Variants in DLGAP4 observed in about 807,000 individuals in gnomAD.
DLGAP4 encodes the protein DLG associated protein 4.
A neutral mutation model predicts 86.9 loss-of-function variants in DLGAP4; 18 were observed. The ratio of observed to expected loss-of-function variants is 0.21; its 90% CI spans 0.14 to 0.31. The LOEUF (loss-of-function observed/expected upper bound fraction) is 0.31. Among genes scored for constraint, DLGAP4 ranks in the 10% least tolerant of loss-of-function variants. The pLI is 1.00. For missense variants in DLGAP4, 1,085 were observed against 1,362.6 expected (o/e 0.80, Z 3.21); for synonymous variants, 548 against 574.3 (o/e 0.95, Z 0.65).
chr20:36,409,781 C>T (rs563416487), intron 2 of DLGAP4, among the ~76,000 whole-genome samples: 1 of 151,588 alleles, frequency 6.6e-6, no homozygotes, highest in Non-Finnish European at 1.5e-5. Flanking sequence ...AGCCTGTAAT[C>T]CCAGCACTTT....
chr20:36,413,413 CTTTTTTTTTTTT>C (rs71184094), intron 2 of DLGAP4, among the ~76,000 whole-genome samples: 1 of 71,010 alleles, frequency 1.4e-5, no homozygotes, highest in Non-Finnish European at 2.5e-5. Context: ...TTGTTCTGGA[CTTTTTTTTTTTT>C]TTTTTTTTTT....
intron 2 of DLGAP4, among the ~76,000 whole-genome samples, chr20:36,410,639 G>T (rs925157913): frequency 3.9e-5 from 6 of 152,140 alleles, no homozygotes; most frequent in African/African-American, 1.4e-4. Context: ...GCAAGAGAGG[G>T]AGTGTGGGGG....
At chr20:36,409,604 A>T (rs1189698251) in intron 2 of DLGAP4, among the ~76,000 whole-genome samples, 7 of 151,506 alleles carry the variant, frequency 4.6e-5, no homozygotes, top group Admixed American at 4.6e-4. Flanking sequence ...AGTCCCAGCT[A>T]CTAGGGAGGC....
chr20:36,454,911 C>G (rs536765804), intron 7 of DLGAP4, among the ~76,000 whole-genome samples: 132 of 152,288 alleles, frequency 8.7e-4, no homozygotes, highest in East Asian at 2.7e-3. Flanking sequence ...TCTCCCTCCC[C>G]CTGTCTGACC....
At chr20:36,466,473 TTGAACACC>T (rs2034357587) in intron 7 of DLGAP4, among the ~76,000 whole-genome samples, 3 of 152,122 alleles carry the variant, frequency 2.0e-5, no homozygotes, top group African/African-American at 7.2e-5. Flanking sequence ...GGCTGTGGAA[TTGAACACC>T]TGAGCAGGAA....
chr20:36,409,034 C>CTTTTTTTT (rs35210861), intron 2 of DLGAP4, among the ~76,000 whole-genome samples: 2 of 111,180 alleles, frequency 1.8e-5, no homozygotes, highest in Non-Finnish European at 1.8e-5. Context: ...AAATAAAAGG[C>CTTTTTTTT]TTTTTTTTTT....
At chr20:36,499,185 T>G in intron 8 of DLGAP4, 1 of 1,499,682 alleles carries the variant, frequency 6.7e-7, no homozygotes, top group South Asian at 1.2e-5. Flanking sequence ...TGTGTGTGTG[T>G]GTGTTTTCTT....
intron 7 of DLGAP4, chr20:36,461,734 C>A (rs1466471019): frequency 1.1e-6 from 1 of 883,910 alleles, no homozygotes; most frequent in Non-Finnish European, 1.3e-6. Flanking sequence ...CCCGTCTGTC[C>A]GTCCGTCCGT....
rs1192793921 is a variant in DLGAP4, at chr20:36,496,760, C to T, written c.1704C>T (p.Thr568=). The T allele has an allele frequency of 6.2e-6, 10 of 1,613,268 alleles. No individual in the cohort carries two copies. The Admixed American group carries it at 1.5e-4, about 24-fold the overall frequency. Residue 568 remains threonine (T), a synonymous_variant, in exon 8 of 13, where the codon ACC becomes ACT. Transcript: ENST00000339266. ...KKTPPPVPPR[T]TSKPFISVTV... is the part of the protein sequence containing the mutation. ...CCCCGCCACCGGTCCCTCCACGCAC[C>T]ACTTCAAAGCCGTTCATCTCAGTCA...
intron 1 of DLGAP4, among the ~76,000 whole-genome samples, chr20:36,321,679 G>C (rs1555890566): frequency 6.6e-6 from 1 of 152,224 alleles, no homozygotes; most frequent in Non-Finnish European, 1.5e-5. Flanking sequence ...CACCCACTGG[G>C]GCTGTAGGCA....
intron 1 of DLGAP4, among the ~76,000 whole-genome samples, chr20:36,322,332 G>A (rs797033168): frequency 8.9e-4 from 136 of 152,312 alleles, no homozygotes; most frequent in African/African-American, 3.2e-3. Flanking sequence ...AGAGGATGGC[G>A]GGGGCCAGAC....
intron 1 of DLGAP4, among the ~76,000 whole-genome samples, chr20:36,327,362 T>C (rs561858726): frequency 1.6e-4 from 25 of 152,250 alleles, no homozygotes; most frequent in African/African-American, 5.8e-4. Context: ...CATAAGGTTT[T>C]CTTCATATTT....
At chr20:36,511,532 T>G (rs2036692836) in intron 10 of DLGAP4, among the ~76,000 whole-genome samples, 2 of 152,122 alleles carry the variant, frequency 1.3e-5, no homozygotes, top group African/African-American at 4.8e-5. Flanking sequence ...GATTTATTCC[T>G]TAGTACTTTC....
At chr20:36,436,070 T>C (rs2033266056) in intron 3 of DLGAP4, 39 bp from the exon 4 acceptor site, 1 of 1,511,376 alleles carries the variant, frequency 6.6e-7, no homozygotes, top group Non-Finnish European at 8.8e-7. Flanking sequence ...CTGCTCATTT[T>C]CTGCGGTGGC....
intron 2 of DLGAP4, among the ~76,000 whole-genome samples, chr20:36,396,260 C>A (rs1474726728): frequency 6.6e-6 from 1 of 151,514 alleles, no homozygotes; most frequent in Non-Finnish European, 1.5e-5. Flanking sequence ...GAGACCTCTT[C>A]CAGATCTGGT....
intron 4 of DLGAP4, 57 bp from the exon 5 acceptor site, chr20:36,439,697 A>G (rs886360370): frequency 6.6e-7 from 1 of 1,515,706 alleles, no homozygotes; most frequent in East Asian, 2.4e-5. Context: ...CAAGGCCTCC[A>G]AAAGCTGGGT....
At chr20:36,476,324 T>C in intron 7 of DLGAP4, among the ~76,000 whole-genome samples, 1 of 129,472 alleles carries the variant, frequency 7.7e-6, no homozygotes, top group Non-Finnish European at 1.6e-5. Context: ...CCACCTTTTT[T>C]TTTTTTTTTT....
chr20:36,521,097 G>A (rs1401658500), intron 10 of DLGAP4, among the ~76,000 whole-genome samples: 1 of 152,214 alleles, frequency 6.6e-6, no homozygotes, highest in Non-Finnish European at 1.5e-5. Flanking sequence ...TGGGATTACA[G>A]GCATGTGCCA....
At chr20:36,451,647 G>C (rs2033739489) in intron 7 of DLGAP4, among the ~76,000 whole-genome samples, 1 of 151,374 alleles carries the variant, frequency 6.6e-6, no homozygotes, top group South Asian at 2.1e-4. Flanking sequence ...CACCACGCCT[G>C]GCTCTACTAT....
Sources: gnomAD v4.1 joint callset for allele counts (sites outside exome capture counted in the v4.1 genomes callset) on GRCh38, gnomAD v4.1.1 for gene constraint, MANE v1.5 for transcripts, NCBI Gene and HGNC (gene_info 2026-07-23, HGNC 2026-07-21) for gene names.